The following APC variants were observed in gnomAD, a reference collection of about 807,000 sequenced individuals.
APC encodes the protein adenomatous polyposis coli protein.
APC carries 72 observed loss-of-function variants against 247.0 expected under a neutral mutation model. That is an observed-to-expected ratio of 0.29 (90% CI 0.24 to 0.35). The LOEUF is 0.35. Ranked by LOEUF, APC falls within the 10% of genes least tolerant of loss-of-function variation. The pLI is 1.00. For synonymous variants in APC, 1,254 were observed against 1,162.5 expected (o/e 1.08, Z -1.60); for missense variants, 3,400 against 3,360.7 (o/e 1.01, Z -0.29).
At chr5:112,784,166 C>T (rs965611950) in intron 6 of APC, among the ~76,000 whole-genome samples, 2 of 152,158 alleles carry the variant, frequency 1.3e-5, no homozygotes, top group Non-Finnish European at 2.9e-5. Context: ...CTCCTGGCTT[C>T]AAGCGATTCT....
intron 6 of APC, among the ~76,000 whole-genome samples, chr5:112,790,714 G>C (rs1759483804): frequency 6.6e-6 from 1 of 152,160 alleles, no homozygotes; most frequent in Non-Finnish European, 1.5e-5. Flanking sequence ...AGTAAGAAAA[G>C]CATGAAGGCA....
intron 4 of APC, among the ~76,000 whole-genome samples, chr5:112,771,173 G>A (rs966975815): frequency 2.0e-5 from 3 of 152,092 alleles, no homozygotes; most frequent in African/African-American, 4.8e-5. Context: ...GCTGTTTAAA[G>A]GAAGATGATG....
Position 112,808,894 on chromosome 5 carries a change from G to A in APC, c.835-6601G>A, listed in dbSNP as rs1580483854. Among the ~76,000 whole-genome samples the A allele has an allele frequency of 5.3e-5, 8 of 152,310 alleles. No individual in the cohort carries two copies. The South Asian group carries it at 1.7e-3, about 32-fold the overall frequency. On this transcript the variant is annotated intron_variant, in intron 8 of 15. Coordinates refer to ENST00000257430, the MANE Select transcript of APC (RefSeq NM_000038.6). ...TTGGATATGAGTGTTTAGGGGGAAG[G>A]AGAAGTCGAGAATTACTCGCAGGTT...
In APC at chr5:112,790,896, C is replaced by T. The variant is rs78285873; in HGVS notation, c.646-1550C>T. Among the ~76,000 whole-genome samples, 6 of 152,134 alleles carry T rather than the reference C, an allele frequency of 3.9e-5. No homozygotes were observed. The South Asian group carries it at 1.2e-3, about 31-fold the overall frequency. ...AAATGTTTGGAAATACTCCATCTAG[C>T]TTCTAACACACACACACCCCTTATT... On this transcript the variant is annotated intron_variant, in intron 6 of 15. Coordinates refer to ENST00000257430, the MANE Select transcript of APC (RefSeq NM_000038.6).
chr5:112,743,804 C>T (rs1005611436), intron 1 of APC, among the ~76,000 whole-genome samples: 2 of 152,098 alleles, frequency 1.3e-5, no homozygotes, highest in African/African-American at 4.8e-5. Context: ...CCAGTATGAC[C>T]TCATCTCAAA....
rs747833393 is a variant in APC at position 112,843,135 on chromosome 5, C to G, written c.7541C>G (p.Thr2514Ser). ...WRKLPPNLSPTIEYNDGRPAK... is the reference protein window; with the variant it reads ...WRKLPPNLSPSIEYNDGRPAK... ...AAACTCCCACCTAATCTCAGTCCCACTATAGAGTATAATGATGGAAGACCA... is the reference window on the plus strand; with the variant it reads ...AAACTCCCACCTAATCTCAGTCCCAGTATAGAGTATAATGATGGAAGACCA... Residue 2514 changes from threonine (T) to serine (S), a missense_variant, in exon 16 of 16, where the codon ACT becomes AGT. Thr to Ser is a moderately conservative substitution (Grantham distance 58). Transcript: ENST00000257430. The surrounding 1 kb of genome is among the most constrained non-coding windows in gnomAD (Gnocchi z 4.8). The G allele has an allele frequency of 5.6e-6, 9 of 1,613,874 alleles. No individual in the cohort carries two copies. Among genetic ancestry groups the G allele is most frequent in the Non-Finnish European group, 7.6e-6 (9 of 1,179,878 alleles).
rs145912662 is a variant in APC at position 112,819,225 on chromosome 5, A to G, written c.1193A>G (p.Lys398Arg). 26 of 1,613,884 alleles carry G rather than the reference A, an allele frequency of 1.6e-5. No homozygotes were observed. Among genetic ancestry groups the G allele is most frequent in the African/African-American group, 9.3e-5 (7 of 74,922 alleles). The stretch of plus-strand genomic sequence containing the variant: ...ATCATTCACTCACAGCCTGATGACA[A>G]GAGAGGCAGGCGTGAAATCCGAGTC... ...HNIIHSQPDD[K>R]RGRREIRVLH... Residue 398 changes from lysine to arginine, a missense_variant, in exon 10 of 16, where the codon AAG becomes AGG. Around this residue, in one of 9 missense-constraint regions of APC, gnomAD observed 199 missense variants for 212.5 expected, o/e 0.94. Transcript: ENST00000257430.
At chr5:112,787,300 A>C (rs1353706713) in intron 6 of APC, among the ~76,000 whole-genome samples, 1 of 152,242 alleles carries the variant, frequency 6.6e-6, no homozygotes, top group Non-Finnish European at 1.5e-5. Flanking sequence ...AGTAGGCCCT[A>C]GTTTGCTGAC....
At chr5:112,762,838 A>G (rs1309080515) in intron 2 of APC, among the ~76,000 whole-genome samples, 1 of 152,210 alleles carries the variant, frequency 6.6e-6, no homozygotes, top group East Asian at 1.9e-4. Context: ...AAAACAGGAA[A>G]AAAATTACTT....
rs769842820 is a variant in APC at position 112,837,508 on chromosome 5, T to C, written c.1959-45T>C. The C allele has an allele frequency of 7.0e-6, 10 of 1,430,764 alleles. No homozygotes were observed. In the South Asian group the frequency reaches 1.2e-4, roughly 17 times the overall value. 88.6% of individuals were successfully genotyped at this position (1,430,764 alleles called of 1,614,324 possible). A position where few individuals can be genotyped will look rare whatever the true frequency, so the allele number is the denominator to read the frequency against. On this transcript the variant is annotated intron_variant, in intron 15 of 15. Transcript: ENST00000257430. ...TATCCTTTTATTTGTTGTTACTGCA[T>C]ACACATTGTGACCTTAATTTTGTGA...
chr5:112,784,010 C>T (rs1758671232), intron 6 of APC, among the ~76,000 whole-genome samples: 1 of 151,856 alleles, frequency 6.6e-6, no homozygotes, highest in South Asian at 2.1e-4. Flanking sequence ...TGATGACATG[C>T]AGTATTAGCA....
In APC at chr5:112,815,565, G is replaced by A. The variant is rs764841552; in HGVS notation, c.905G>A (p.Arg302Gln). Residue 302 changes from arginine to glutamine, a missense_variant, in exon 9 of 16, where the codon CGA (arginine) becomes CAA (glutamine). Transcript: ENST00000257430. ...LSSSSTHSAPRRLTSHLGTKV... is the reference protein window; with the variant it reads ...LSSSSTHSAPQRLTSHLGTKV... ...TCTAGTAGCACACACTCTGCACCTC[G>A]AAGGCTGACAAGTCATCTGGGAACC... 9.9e-6 allele frequency: 16 copies of A among 1,611,658 alleles called. No homozygotes were observed. Among genetic ancestry groups the A allele is most frequent in the Middle Eastern group, 3.3e-4 (2 of 6,062 alleles).
At chr5:112,802,735 G>T (rs1760964971) in intron 8 of APC, among the ~76,000 whole-genome samples, 1 of 152,034 alleles carries the variant, frequency 6.6e-6, no homozygotes, top group African/African-American at 2.4e-5. Flanking sequence ...ATAAAGAAAG[G>T]ATTGATAGAT....
chr5:112,714,336 A>T (rs1751033389), intron 1 of APC, among the ~76,000 whole-genome samples: 1 of 152,258 alleles, frequency 6.6e-6, no homozygotes, highest in Non-Finnish European at 1.5e-5. Context: ...GTGCCCCTGC[A>T]CATGTATACA....
At chr5:112,797,734 A>G (rs1760364683) in intron 7 of APC, among the ~76,000 whole-genome samples, 1 of 152,226 alleles carries the variant, frequency 6.6e-6, no homozygotes, top group East Asian at 1.9e-4. Context: ...CTTGCAACTC[A>G]TTAATAAAGA....
rs2149890341 is a variant in APC at position 112,838,955 on chromosome 5, A to T, written c.3361A>T (p.Ile1121Phe). ...AAATCGAGTGGGTTCTAATCATGGAATTAATCAAAATGTAAGCCAGTCTTT... is the reference window on the plus strand; with the variant it reads ...AAATCGAGTGGGTTCTAATCATGGATTTAATCAAAATGTAAGCCAGTCTTT... ...ETNRVGSNHGINQNVSQSLCQ... is the reference protein window; with the variant it reads ...ETNRVGSNHGFNQNVSQSLCQ... The change falls in exon 16 of 16, where the codon ATT becomes TTT. Residue 1121 changes from isoleucine to phenylalanine, a missense_variant. This residue lies in a region of APC where 715 missense variants were observed against 656.6 expected (regional missense o/e 1.09). Coordinates refer to ENST00000257430, the MANE Select transcript of APC (RefSeq NM_000038.6). 6.2e-7 allele frequency: 1 copy of T among 1,614,150 alleles called. No homozygotes were observed. The highest frequency in any genetic ancestry group is 1.1e-5 in the South Asian group (1 of 91,082).
chr5:112,767,543 G>A (rs890274902), intron 4 of APC, among the ~76,000 whole-genome samples, 153 bp downstream of exon 4: 1 of 152,160 alleles, frequency 6.6e-6, no homozygotes, highest in Non-Finnish European at 1.5e-5. Flanking sequence ...GTTATTGATT[G>A]CACTTACATT....
In APC at chr5:112,837,865, A is replaced by G. The variant is rs1361438063; in HGVS notation, c.2271A>G (p.Gln757=). 1 of 1,614,022 alleles carries G rather than the reference A, an allele frequency of 6.2e-7. No homozygotes were observed. The highest frequency in any genetic ancestry group is 1.3e-5 in the African/African-American group (1 of 74,942). The change falls in exon 16 of 16, where the codon CAA becomes CAG. Residue 757 remains glutamine (Q), a synonymous_variant. Transcript: ENST00000257430. The part of the protein sequence containing the change: ...SSLPSLHVRK[Q]KALEAELDAQ... ...TGCCATCTCTTCATGTTAGGAAACA[A>G]AAAGCCCTAGAAGCAGAATTAGATG...
intron 11 of APC, among the ~76,000 whole-genome samples, chr5:112,826,195 T>G (rs1763641617): frequency 6.6e-6 from 1 of 152,216 alleles, no homozygotes; most frequent in Non-Finnish European, 1.5e-5. Flanking sequence ...ATGACCTAAT[T>G]AGACTTGTAG....
Sources: allele counts gnomAD v4.1 joint callset (sites outside exome capture counted in the v4.1 genomes callset), GRCh38; gene constraint gnomAD v4.1.1; regional missense constraint gnomAD v4.1.1; non-coding constraint Gnocchi (gnomAD v3.1); transcripts MANE v1.5; gene names NCBI Gene and HGNC (gene_info 2026-07-23, HGNC 2026-07-21).